PIGL: variants seen among roughly 807,000 people sequenced by gnomAD.
The protein encoded by PIGL is N-acetylglucosaminyl-phosphatidylinositol de-N-acetylase.
In PIGL, 22 loss-of-function variants were observed where a neutral mutation model predicts 31.1. That is an observed-to-expected ratio of 0.71 (90% CI 0.51 to 1.01). The LOEUF (loss-of-function observed/expected upper bound fraction) is 1.01, where lower values mean the gene tolerates loss of function less well. PIGL is among the 50% of genes least tolerant of loss of function. The probability of loss-of-function intolerance (pLI) is 0.00; values close to 1 mark genes in which losing one functional copy is unlikely to be tolerated. For missense variants in PIGL, 302 were observed against 315.9 expected, an observed-to-expected ratio of 0.96 and a Z score of 0.33; for synonymous variants, 131 against 117.4, an observed-to-expected ratio of 1.12 and a Z score of -0.75.
At chr17:16,242,648 T>TA (rs2092727919) in intron 2 of PIGL, among the ~76,000 whole-genome samples, 1 of 135,592 alleles carries the variant, frequency 7.4e-6, no homozygotes, top group Non-Finnish European at 1.6e-5. Context: ...TGATTCCTTT[T>TA]TTTTTTTTTT....
chr17:16,266,333 G>A (rs1307006804), intron 2 of PIGL, among the ~76,000 whole-genome samples: 2 of 142,214 alleles, frequency 1.4e-5, no homozygotes, highest in Non-Finnish European at 3.0e-5. Context: ...AGCTTGCAGT[G>A]AGCCGAGATC....
At chr17:16,244,444 A>C (rs2092735752) in intron 2 of PIGL, among the ~76,000 whole-genome samples, 1 of 152,158 alleles carries the variant, frequency 6.6e-6, no homozygotes, top group African/African-American at 2.4e-5. Context: ...AATATTAGTA[A>C]TCGTGTTTTT....
intron 2 of PIGL, among the ~76,000 whole-genome samples, chr17:16,265,635 G>A (rs1298730475): frequency 1.3e-5 from 2 of 151,956 alleles, no homozygotes; most frequent in Admixed American, 6.6e-5. Context: ...AGCTACTTGG[G>A]AGGCTGAGGC....
intron 2 of PIGL, among the ~76,000 whole-genome samples, chr17:16,286,198 G>A (rs984663248): frequency 6.6e-6 from 1 of 152,244 alleles, no homozygotes; most frequent in East Asian, 1.9e-4. Context: ...AGCCGCCTCC[G>A]TCTGTATTAA....
chr17:16,307,964 A>G (rs112082867), intron 3 of PIGL, among the ~76,000 whole-genome samples: 12,191 of 135,374 alleles, frequency 0.09, 789 homozygotes, highest in African/African-American at 0.24. Flanking sequence ...ACCTTGTCTC[A>G]AAAAAAAAAA....
chr17:16,271,086 A>AC (rs2142769682), intron 2 of PIGL, among the ~76,000 whole-genome samples: 1 of 152,288 alleles, frequency 6.6e-6, no homozygotes, highest in Admixed American at 6.5e-5. Context: ...AAGTCTATTA[A>AC]AATTATTGTG....
intron 2 of PIGL, among the ~76,000 whole-genome samples, chr17:16,276,774 A>C (rs1488273047): frequency 1.3e-5 from 2 of 152,238 alleles, no homozygotes; most frequent in African/African-American, 4.8e-5. Context: ...AGACTCTGAT[A>C]ACATGCGTAC....
At chr17:16,251,472 C>T (rs1225117322) in intron 2 of PIGL, among the ~76,000 whole-genome samples, 1 of 151,074 alleles carries the variant, frequency 6.6e-6, no homozygotes, top group Non-Finnish European at 1.5e-5. Flanking sequence ...ATTTAATTGA[C>T]ATCGTATAGA....
intron 2 of PIGL, among the ~76,000 whole-genome samples, chr17:16,276,903 A>G (rs2092898450): frequency 1.3e-5 from 2 of 152,228 alleles, no homozygotes; most frequent in Non-Finnish European, 2.9e-5. Context: ...GTGCAGCAAC[A>G]ATAATTATTT....
intron 6 of PIGL, among the ~76,000 whole-genome samples, chr17:16,324,667 A>AGG (rs2142883165): frequency 6.6e-6 from 1 of 152,278 alleles, no homozygotes; most frequent in Admixed American, 6.5e-5. Flanking sequence ...CAAGTCATGT[A>AGG]GGGTCTGACA....
intron 2 of PIGL, among the ~76,000 whole-genome samples, chr17:16,251,254 C>T (rs890545594): frequency 6.6e-6 from 1 of 151,856 alleles, no homozygotes; most frequent in African/African-American, 2.4e-5. Flanking sequence ...AGTGAGACCC[C>T]ATCTCTACAA....
chr17:16,272,281 C>CTACA (rs1272719391), intron 2 of PIGL, among the ~76,000 whole-genome samples: 1 of 152,186 alleles, frequency 6.6e-6, no homozygotes, highest in Non-Finnish European at 1.5e-5. Flanking sequence ...GCTGCCAGGA[C>CTACA]TACACCTGGA....
chr17:16,294,935 C>T (rs990886481), intron 2 of PIGL, among the ~76,000 whole-genome samples: 4 of 152,140 alleles, frequency 2.6e-5, no homozygotes, highest in Non-Finnish European at 5.9e-5. Flanking sequence ...TCTGCTGTGG[C>T]CAGTCTCTGC....
At chr17:16,259,108 A>G in intron 2 of PIGL, among the ~76,000 whole-genome samples, 1 of 152,184 alleles carries the variant, frequency 6.6e-6, no homozygotes, top group East Asian at 1.9e-4. Context: ...GTGTTGCTAC[A>G]TCTACTAGTT....
chr17:16,248,749 T>A (rs2092758968), intron 2 of PIGL, among the ~76,000 whole-genome samples: 1 of 152,238 alleles, frequency 6.6e-6, no homozygotes, highest in Non-Finnish European at 1.5e-5. Flanking sequence ...CACTTGCACA[T>A]TTTTATGTAT....
intron 2 of PIGL, among the ~76,000 whole-genome samples, chr17:16,254,285 TG>T (rs1464659062): frequency 6.6e-6 from 1 of 152,204 alleles, no homozygotes; most frequent in Non-Finnish European, 1.5e-5. Context: ...TTTTCTTTTT[TG>T]AGATAGAGTT....
At chr17:16,245,729 T>C (rs758929303) in intron 2 of PIGL, among the ~76,000 whole-genome samples, 39 of 150,692 alleles carry the variant, frequency 2.6e-4, no homozygotes, top group Admixed American at 8.0e-4. Context: ...CATATATATA[T>C]ACACACACAC....
At chr17:16,236,274 G>A (rs530683449) in intron 2 of PIGL, among the ~76,000 whole-genome samples, 4 of 152,248 alleles carry the variant, frequency 2.6e-5, no homozygotes, top group South Asian at 4.1e-4. Flanking sequence ...GAAATTACGC[G>A]TTTTTATGTA....
chr17:16,247,556 G>A (rs961549538), intron 2 of PIGL, among the ~76,000 whole-genome samples: 4 of 152,228 alleles, frequency 2.6e-5, no homozygotes, highest in Non-Finnish European at 2.9e-5. Context: ...TAGATCTTGA[G>A]GCTTGAGAAC....
Sources: allele counts gnomAD v4.1 joint callset (sites outside exome capture counted in the v4.1 genomes callset), GRCh38; gene constraint gnomAD v4.1.1; transcripts MANE v1.5; gene names NCBI Gene and HGNC (gene_info 2026-07-23, HGNC 2026-07-21).